NLGN1: variants seen among roughly 807,000 people sequenced by gnomAD.
NLGN1 encodes the protein neuroligin 1, also known as neuroligin-1.
Under a neutral mutation model 65.5 loss-of-function variants are expected in NLGN1, and 12 were observed. The ratio of observed to expected loss-of-function variants is 0.18; its 90% CI spans 0.12 to 0.30. NLGN1 has a LOEUF of 0.30. NLGN1 is among the 10% of genes least tolerant of loss of function. NLGN1 has a pLI of 1.00. For synonymous variants in NLGN1, 350 were observed against 359.5 expected, an observed-to-expected ratio of 0.97 and a Z score of 0.30; for missense variants, 750 against 1,007.1, an observed-to-expected ratio of 0.74 and a Z score of 3.46.
intron 3 of NLGN1, among the ~76,000 whole-genome samples, chr3:173,748,224 A>G (rs13321523): frequency 0.073 from 11,166 of 152,130 alleles, 1,153 homozygotes; most frequent in African/African-American, 0.23. Flanking sequence ...TCAAGAAGGA[A>G]GCAGGTAAAA....
At chr3:174,231,288 C>T (rs1423955091) in intron 4 of NLGN1, among the ~76,000 whole-genome samples, 2 of 152,072 alleles carry the variant, frequency 1.3e-5, no homozygotes, top group African/African-American at 4.8e-5. Context: ...GCCGAGACTC[C>T]GGGTGTGCCT....
chr3:173,455,485 G>A (rs184067391), intron 2 of NLGN1, among the ~76,000 whole-genome samples: 17 of 152,168 alleles, frequency 1.1e-4, no homozygotes, highest in Admixed American at 1.0e-3. Context: ...ATATCAATCA[G>A]TGATCACCCT....
chr3:173,531,287 T>G (rs1736523151), intron 2 of NLGN1, among the ~76,000 whole-genome samples: 1 of 152,130 alleles, frequency 6.6e-6, no homozygotes, highest in African/African-American at 2.4e-5. Flanking sequence ...TTCAAGAACT[T>G]TAAAGTTTGG....
intron 3 of NLGN1, among the ~76,000 whole-genome samples, chr3:173,797,183 C>T (rs1714280907): frequency 6.6e-6 from 1 of 152,150 alleles, no homozygotes; most frequent in Non-Finnish European, 1.5e-5. Context: ...TGGAGTTTCT[C>T]AGTTTGCAGC....
intron 2 of NLGN1, among the ~76,000 whole-genome samples, chr3:173,446,223 A>AC: frequency 1.6e-5 from 1 of 63,110 alleles, no homozygotes; most frequent in Non-Finnish European, 3.5e-5. Flanking sequence ...CCCTACCCCC[A>AC]CCCCACAACA....
chr3:173,466,918 T>C (rs1404449130), intron 2 of NLGN1, among the ~76,000 whole-genome samples: 1 of 152,188 alleles, frequency 6.6e-6, no homozygotes, highest in African/African-American at 2.4e-5. Flanking sequence ...AACAAATTTA[T>C]GTGGAAACCT....
chr3:174,097,335 A>G (rs997980962), intron 4 of NLGN1, among the ~76,000 whole-genome samples: 4 of 152,192 alleles, frequency 2.6e-5, no homozygotes, highest in South Asian at 2.1e-4. Flanking sequence ...GTGAATGGAT[A>G]TGAGTATCTT....
At chr3:173,446,993 A>C (rs183158540) in intron 2 of NLGN1, among the ~76,000 whole-genome samples, 1 of 151,602 alleles carries the variant, frequency 6.6e-6, no homozygotes, top group Non-Finnish European at 1.5e-5. Context: ...GGTTGCAAAA[A>C]TTTTCTCCCA....
intron 4 of NLGN1, among the ~76,000 whole-genome samples, chr3:173,942,995 T>C (rs1270571178): frequency 6.6e-6 from 1 of 152,120 alleles, no homozygotes; most frequent in Non-Finnish European, 1.5e-5. Context: ...GAGGCTGAGA[T>C]AGGTGTATTG....
At chr3:174,066,530 C>CTCTT in intron 4 of NLGN1, among the ~76,000 whole-genome samples, 1 of 97,032 alleles carries the variant, frequency 1.0e-5, no homozygotes, top group South Asian at 3.0e-4. Context: ...CTCTCTCTCT[C>CTCTT]TCTCTCTCTC....
At chr3:174,143,018 G>A (rs1722584107) in intron 4 of NLGN1, among the ~76,000 whole-genome samples, 3 of 152,014 alleles carry the variant, frequency 2.0e-5, no homozygotes, top group African/African-American at 7.2e-5. Flanking sequence ...GAACGAGGAG[G>A]TCTCAGACTG....
At chr3:173,504,052 C>G (rs1026653248) in intron 2 of NLGN1, among the ~76,000 whole-genome samples, 1 of 152,018 alleles carries the variant, frequency 6.6e-6, no homozygotes, top group Non-Finnish European at 1.5e-5. Flanking sequence ...ACATATGTGT[C>G]ATAAACTGCC....
At chr3:173,697,376 A>G (rs1297386370) in intron 3 of NLGN1, among the ~76,000 whole-genome samples, 3 of 152,144 alleles carry the variant, frequency 2.0e-5, no homozygotes, top group Non-Finnish European at 2.9e-5. Context: ...CTCAGTTTCT[A>G]CATCTGTTTA....
intron 4 of NLGN1, among the ~76,000 whole-genome samples, chr3:174,005,004 C>G (rs1218553829): frequency 6.6e-6 from 1 of 152,054 alleles, no homozygotes; most frequent in African/African-American, 2.4e-5. Context: ...GATAACAAGT[C>G]CGTCTGGGTC....
At chr3:173,439,648 A>G (rs1718797560) in intron 2 of NLGN1, among the ~76,000 whole-genome samples, 1 of 151,672 alleles carries the variant, frequency 6.6e-6, no homozygotes, top group East Asian at 1.9e-4. Flanking sequence ...TTGTTTCTCT[A>G]GTGCATATAA....
chr3:173,582,679 G>A (rs1363549415), intron 2 of NLGN1, among the ~76,000 whole-genome samples: 2 of 151,562 alleles, frequency 1.3e-5, no homozygotes, highest in African/African-American at 4.8e-5. Context: ...TATGTACTTT[G>A]GATAGTAATC....
chr3:173,488,619 C>CCT (rs1317270230), intron 2 of NLGN1, among the ~76,000 whole-genome samples: 1 of 152,064 alleles, frequency 6.6e-6, no homozygotes, highest in African/African-American at 2.4e-5. Flanking sequence ...AGTCTGGTCT[C>CCT]TATCATTGCT....
At chr3:174,050,421 C>T (rs1021554222) in intron 4 of NLGN1, among the ~76,000 whole-genome samples, 30 of 151,538 alleles carry the variant, frequency 2.0e-4, no homozygotes, top group African/African-American at 7.0e-4. Flanking sequence ...GTTTTCAGTC[C>T]AGGATTATGG....
chr3:174,111,735 A>G (rs1715264878), intron 4 of NLGN1, among the ~76,000 whole-genome samples: 1 of 151,906 alleles, frequency 6.6e-6, no homozygotes, highest in African/African-American at 2.4e-5. Context: ...ATTAGTTATT[A>G]GTATGGTTTT....
Sources: gnomAD v4.1 joint callset for allele counts (sites outside exome capture counted in the v4.1 genomes callset) on GRCh38, gnomAD v4.1.1 for gene constraint, MANE v1.5 for transcripts, NCBI Gene and HGNC (gene_info 2026-07-23, HGNC 2026-07-21) for gene names.